SUGP1: variants seen among roughly 807,000 people sequenced by gnomAD.
SUGP1 encodes SURP and G-patch domain containing 1.
Under a neutral mutation model 76.5 loss-of-function variants are expected in SUGP1, and 34 were observed. The ratio of observed to expected loss-of-function variants is 0.44; its 90% CI spans 0.34 to 0.59. The LOEUF is 0.59. Among genes scored for constraint, SUGP1 ranks in the 20% least tolerant of loss-of-function variants. The probability of loss-of-function intolerance (pLI) is 0.01; values close to 1 mark genes in which losing one functional copy is unlikely to be tolerated. For synonymous variants in SUGP1, 326 were observed against 326.2 expected (o/e 1.00, Z 0.01); for missense variants, 752 against 851.7 (o/e 0.88, Z 1.46).
At chr19:19,303,983 A>G (rs768776739) in intron 4 of SUGP1, 136 bp from the exon 5 acceptor site, 15 of 1,595,650 alleles carry the variant, frequency 9.4e-6, no homozygotes, top group African/African-American at 1.3e-5. Context: ...GGGCGTCCCG[A>G]GTCCAGGCAC....
Position 19,276,487 on chromosome 19 carries a change from C to A in SUGP1, c.*161G>T. 1.2e-6 allele frequency: 1 copy of A among 806,922 alleles called. No homozygotes were observed. The highest frequency in any genetic ancestry group is 2.0e-6 in the Non-Finnish European group (1 of 495,684). 50.0% of individuals were successfully genotyped at this position (806,922 alleles called of 1,614,324 possible). ...TGCATCCCGCTGCTAACAGGAGGGG[C>A]TTCCTGCAACAGGACCAGGCATCTG... On this transcript the variant is annotated 3_prime_UTR_variant, in exon 14 of 14. Transcript: ENST00000247001.
Position 19,278,766 on chromosome 19 carries a change from C to T in SUGP1, c.1559G>A (p.Arg520Gln), listed in dbSNP as rs746198171. Residue 520 changes from arginine (R) to glutamine (Q), a missense_variant, in exon 11 of 14, where the codon CGG becomes CAG. By Grantham distance (43) the Arg-to-Gln change is conservative. Transcript: ENST00000247001. ...GAAGTCTCCGATGAAGTGCTTGCCC[C>T]GGCCCATCTTTGTCAGCTGCTCGGC... is the stretch of plus-strand genomic sequence containing the variant. Reference protein sequence around the residue: ...EWAEQLTKMGRGKHFIGDFLP... With the variant: ...EWAEQLTKMGQGKHFIGDFLP... 12 of 1,613,830 alleles carry T rather than the reference C, an allele frequency of 7.4e-6. No homozygotes were observed. Among genetic ancestry groups the T allele is most frequent in the Admixed American group, 3.3e-5 (2 of 59,990 alleles).
chr19:19,304,159 T>C (rs945878877), intron 4 of SUGP1: 11 of 750,064 alleles, frequency 1.5e-5, no homozygotes, highest in Non-Finnish European at 2.2e-5. Context: ...TTTCTTTCTT[T>C]ACCAGTTTTC....
At position 19,297,159 on chromosome 19, in the gene SUGP1, G is replaced by A. The variant is rs746196563; in HGVS notation, c.1073C>T (p.Thr358Met). Residue 358 changes from threonine (T) to methionine (M), a missense_variant, in exon 8 of 14, where the codon ACG becomes ATG. Coordinates refer to ENST00000247001, the MANE Select transcript of SUGP1 (RefSeq NM_172231.4). ...AGCAGGGATGATAGTGGGCGCAGGCGTGGACGAGGCGGGGCAGGTGGTGGC... is the reference window on the plus strand; with the variant it reads ...AGCAGGGATGATAGTGGGCGCAGGCATGGACGAGGCGGGGCAGGTGGTGGC... ...PPATTCPASS[T>M]PAPTIIPAPA... is the part of the protein sequence containing the mutation. 4 of 1,613,300 alleles carry A rather than the reference G, an allele frequency of 2.5e-6. No individual in the cohort carries two copies. The highest frequency in any genetic ancestry group is 2.2e-5 in the East Asian group (1 of 44,868).
Position 19,320,492 on chromosome 19 carries a change from C to T in SUGP1, c.5G>A (p.Ser2Asn), listed in dbSNP as rs781016448. ...AACATCCCGGTTGTCCATCTTGAGA[C>T]TCATCCAATCCCACAATGCTCCGGC... M[S>N]LKMDNRDVAG... is the part of the protein sequence containing the mutation. Residue 2 changes from serine to asparagine, a missense_variant, in exon 1 of 14, where the codon AGT (serine) becomes AAT (asparagine). Coordinates refer to ENST00000247001, the MANE Select transcript of SUGP1 (RefSeq NM_172231.4). 5.0e-6 allele frequency: 8 copies of T among 1,610,236 alleles called. No individual in the cohort carries two copies. The South Asian group carries it at 6.7e-5, about 13-fold the overall frequency.
In SUGP1 at chr19:19,288,711, A is replaced by G. The variant is rs555985216; in HGVS notation, c.1243+8278T>C. On this transcript the variant is annotated intron_variant, in intron 8 of 13. Transcript: ENST00000247001. Reference sequence around the variant, plus strand: ...GTTGAGGCTGCAGTGAGCTGTGATTATACCACTGCACTCCAGCCTGGGAAA... The same window carrying G: ...GTTGAGGCTGCAGTGAGCTGTGATTGTACCACTGCACTCCAGCCTGGGAAA... 4.5e-4 allele frequency among the ~76,000 whole-genome samples: 69 copies of G among 152,272 alleles called. 1 individual carries two copies. In the South Asian group the frequency reaches 6.0e-3, roughly 13 times the overall value.
At chr19:19,301,847 C>T (rs1328522189) in intron 7 of SUGP1, 7 of 166,596 alleles carry the variant, frequency 4.2e-5, no homozygotes, top group Admixed American at 2.3e-4. Flanking sequence ...CCTAAAGTTC[C>T]CCATTCCCTG....
intron 7 of SUGP1, among the ~76,000 whole-genome samples, chr19:19,301,429 T>C (rs935447519): frequency 6.6e-6 from 1 of 152,114 alleles, no homozygotes; most frequent in Non-Finnish European, 1.5e-5. Context: ...GGCCTGGCCA[T>C]GTCTGCCCAC....
chr19:19,309,924 A>G (rs752343826), intron 3 of SUGP1, among the ~76,000 whole-genome samples, 173 bp downstream of exon 3: 1 of 152,080 alleles, frequency 6.6e-6, no homozygotes, highest in African/African-American at 2.4e-5. Flanking sequence ...AAAAAAAATT[A>G]TTTATGTATT....
chr19:19,295,249 C>T (rs1379621862), intron 8 of SUGP1, among the ~76,000 whole-genome samples: 1 of 151,360 alleles, frequency 6.6e-6, no homozygotes, highest in Non-Finnish European at 1.5e-5. Context: ...ATTAGCTGAG[C>T]ATGGTGGTGT....
chr19:19,295,401 G>A (rs529520467), intron 8 of SUGP1, among the ~76,000 whole-genome samples: 11 of 151,856 alleles, frequency 7.2e-5, no homozygotes, highest in African/African-American at 1.4e-4. Context: ...TCAGGAGATC[G>A]AGATCATCCT....
intron 7 of SUGP1, 77 bp from the exon 8 acceptor site, chr19:19,297,421 G>GGCCTTCTGGGCAGGAGCAGTTCTT: frequency 3.2e-6 from 4 of 1,260,818 alleles, no homozygotes; most frequent in Admixed American, 2.4e-5. Flanking sequence ...GAGCAGTTCT[G>GGCCTTCTGGGCAGGAGCAGTTCTT]GCCTTGTGTG....
chr19:19,276,915 T>C (rs754006237), intron 13 of SUGP1, 32 bp downstream of exon 13: 1 of 1,611,250 alleles, frequency 6.2e-7, no homozygotes, highest in South Asian at 1.1e-5. Context: ...TCCTGTCGAC[T>C]GAGCAAAGGC....
rs528438021 is a variant in SUGP1, at chr19:19,293,886, T to C, written c.1243+3103A>G. Among the ~76,000 whole-genome samples the C allele has an allele frequency of 1.6e-4, 25 of 152,152 alleles. No individual in the cohort carries two copies. The South Asian group carries it at 5.2e-3, about 32-fold the overall frequency. The stretch of plus-strand genomic sequence containing the variant: ...ACACAAACTTAAATGTGGAAAACCC[T>C]GAAGAATCCACAAACAGACCGGGTG... On this transcript the variant is annotated intron_variant, in intron 8 of 13. Transcript: ENST00000247001.
intron 7 of SUGP1, among the ~76,000 whole-genome samples, chr19:19,298,519 C>T (rs931519898): frequency 6.6e-6 from 1 of 151,970 alleles, no homozygotes; most frequent in Non-Finnish European, 1.5e-5. Flanking sequence ...AAATAGTGAG[C>T]GAGCAGCAAG....
At chr19:19,305,154 G>A (rs1218006579) in intron 4 of SUGP1, among the ~76,000 whole-genome samples, 2 of 152,320 alleles carry the variant, frequency 1.3e-5, no homozygotes, top group East Asian at 1.9e-4. Context: ...CAGAAGCAAG[G>A]GATCTCAAGG....
intron 5 of SUGP1, 32 bp downstream of exon 5, chr19:19,303,692 A>G: frequency 6.2e-7 from 1 of 1,613,072 alleles, no homozygotes; most frequent in Non-Finnish European, 8.5e-7. Flanking sequence ...CGCATTCAAC[A>G]GCACAGCCTT....
At chr19:19,287,026 G>C (rs28857503) in intron 8 of SUGP1, among the ~76,000 whole-genome samples, 1 of 152,128 alleles carries the variant, frequency 6.6e-6, no homozygotes, top group African/African-American at 2.4e-5. Context: ...TGTAATCCCA[G>C]TACTTTGGAA....
chr19:19,301,143 C>T (rs2061268560), intron 7 of SUGP1, among the ~76,000 whole-genome samples: 1 of 152,134 alleles, frequency 6.6e-6, no homozygotes, highest in Non-Finnish European at 1.5e-5. Flanking sequence ...ACTCAATGAT[C>T]CCCAGGGCCA....
Sources: allele counts gnomAD v4.1 joint callset (sites outside exome capture counted in the v4.1 genomes callset), GRCh38; gene constraint gnomAD v4.1.1; transcripts MANE v1.5; gene names NCBI Gene and HGNC (gene_info 2026-07-23, HGNC 2026-07-21).